C10orf53: variants seen among roughly 807,000 people sequenced by gnomAD.
C10orf53 encodes UPF0728 protein C10orf53.
In C10orf53, 8 loss-of-function variants were observed where a neutral mutation model predicts 9.4. The observed-to-expected ratio is 0.85, with a 90% CI of 0.50 to 1.53. The LOEUF is 1.53. Among genes scored for constraint, C10orf53 ranks in the 40% most tolerant of loss-of-function variants. The pLI is 0.00. For synonymous variants in C10orf53, 48 were observed against 46.0 expected (o/e 1.04, Z -0.18); for missense variants, 117 against 117.8 (o/e 0.99, Z 0.03).
Position 49,694,848 on chromosome 10 carries a change from C to A in C10orf53, c.*246C>A. 1 of 1,329,660 alleles carries A rather than the reference C, an allele frequency of 7.5e-7. No homozygotes were observed. Among genetic ancestry groups the A allele is most frequent in the South Asian group, 2.1e-5 (1 of 47,106 alleles). 82.4% of individuals were successfully genotyped at this position (1,329,660 alleles called of 1,614,324 possible). The stretch of plus-strand genomic sequence containing the variant: ...TCAATCTCAACCCATAGGGAGAGCC[C>A]TCCAATATCAGGTACACATTGAGCT... On this transcript the variant is annotated 3_prime_UTR_variant, in exon 3 of 3. Transcript: ENST00000374111.
At chr10:49,699,149 T>C (rs1010358603), downstream of C10orf53, among the ~76,000 whole-genome samples, 4 of 150,700 alleles carry the variant, frequency 2.7e-5, no homozygotes, top group Non-Finnish European at 5.9e-5. Context: ...AGATTTATCA[T>C]TTTTCTTTCT....
chr10:49,699,513 A>C (rs1840665050), downstream of C10orf53, among the ~76,000 whole-genome samples: 1 of 152,078 alleles, frequency 6.6e-6, no homozygotes, highest in Admixed American at 6.5e-5. Context: ...CAATTAAAAA[A>C]AAAATTGGTG....
intron 1 of C10orf53, among the ~76,000 whole-genome samples, chr10:49,690,666 T>C (rs1349097971): frequency 1.3e-5 from 2 of 152,170 alleles, no homozygotes; most frequent in Non-Finnish European, 2.9e-5. Flanking sequence ...TGGCCACACT[T>C]GCCCCTTGCA....
chr10:49,694,617 A>G lies in C10orf53; in HGVS notation c.*15A>G. 6.2e-7 allele frequency: 1 copy of G among 1,614,190 alleles called. No homozygotes were observed. Among genetic ancestry groups the G allele is most frequent in the Non-Finnish European group, 8.5e-7 (1 of 1,180,012 alleles). The stretch of plus-strand genomic sequence containing the variant: ...ATGCCTACTGATCTCCTCATGGAAC[A>G]GGCATCTCAAGTCGGCACAACAGCA... On this transcript the variant is annotated 3_prime_UTR_variant, in exon 3 of 3. Transcript: ENST00000374111.
intron 1 of C10orf53, among the ~76,000 whole-genome samples, chr10:49,688,185 C>CAGCTCT (rs944486479): frequency 1.3e-5 from 2 of 152,120 alleles, no homozygotes; most frequent in African/African-American, 4.8e-5. Context: ...CCCCCACCAG[C>CAGCTCT]AGCTCTGCCC....
At chr10:49,701,397 G>GT (rs372187418), downstream of C10orf53, among the ~76,000 whole-genome samples, 108 of 151,484 alleles carry the variant, frequency 7.1e-4, 1 homozygote, top group East Asian at 9.1e-3. Context: ...AAATTGCTGC[G>GT]TTTTTTTTTA....
intron 1 of C10orf53, among the ~76,000 whole-genome samples, chr10:49,682,443 T>A (rs1840487986): frequency 6.6e-6 from 1 of 152,066 alleles, no homozygotes; most frequent in Admixed American, 6.5e-5. Context: ...TTGCAGTGAG[T>A]GTTACAGCTC....
At chr10:49,682,866 T>G (rs1185762217) in intron 1 of C10orf53, among the ~76,000 whole-genome samples, 1 of 152,248 alleles carries the variant, frequency 6.6e-6, no homozygotes, top group Non-Finnish European at 1.5e-5. Context: ...CTTTGTAGCT[T>G]ATTTCACTTA....
chr10:49,693,227 C>T (rs745772989), intron 1 of C10orf53, among the ~76,000 whole-genome samples: 33 of 152,116 alleles, frequency 2.2e-4, no homozygotes, highest in Admixed American at 3.3e-4. Context: ...AAGTTATTCA[C>T]GGTATTTTGC....
exon 3 of C10orf53, chr10:49,708,964 T>C: frequency 7.7e-6 from 2 of 260,938 alleles, no homozygotes; most frequent in Non-Finnish European, 7.2e-6. Flanking sequence ...ATTTGGCATC[T>C]CTTCCCCAAG....
At position 49,686,646 on chromosome 10, in the gene C10orf53, G is replaced by A. The variant is rs554922799; in HGVS notation, c.97+6852G>A. Among the ~76,000 whole-genome samples the A allele has an allele frequency of 2.8e-4, 43 of 152,214 alleles. 1 individual carries two copies. Among genetic ancestry groups the A allele is most frequent in the South Asian group, 8.3e-4 (4 of 4,816 alleles). ...TGCTCTAGGAGTATCTGTCTTATGC[G>A]GTTGAGATAAGGACTGAAATACGCC... is the stretch of plus-strand genomic sequence containing the variant. On this transcript the variant is annotated intron_variant, in intron 1 of 2. Coordinates refer to ENST00000374111, the MANE Select transcript of C10orf53 (RefSeq NM_001042427.3).
At chr10:49,699,996 T>C (rs1284459740), downstream of C10orf53, among the ~76,000 whole-genome samples, 1 of 152,086 alleles carries the variant, frequency 6.6e-6, no homozygotes, top group Admixed American at 6.5e-5. Context: ...CATGTCCCTG[T>C]TCTGTGGATG....
chr10:49,702,740 T>G (rs1465773834), intron 2 of C10orf53, among the ~76,000 whole-genome samples: 1 of 152,202 alleles, frequency 6.6e-6, no homozygotes, highest in Non-Finnish European at 1.5e-5. Context: ...ATAGACTATA[T>G]AGATATACAT....
At chr10:49,690,113 C>T (rs1274087190) in intron 1 of C10orf53, among the ~76,000 whole-genome samples, 1 of 152,064 alleles carries the variant, frequency 6.6e-6, no homozygotes, top group Admixed American at 6.5e-5. Context: ...AAAGCGAAGG[C>T]AGCAGGCGCA....
intron 1 of C10orf53, among the ~76,000 whole-genome samples, chr10:49,680,476 C>T (rs1479130277): frequency 1.3e-5 from 2 of 152,208 alleles, no homozygotes; most frequent in Non-Finnish European, 2.9e-5. Context: ...GAATGCCTTC[C>T]AGGCAGAGGG....
At chr10:49,693,390 G>C (rs552056514) in intron 1 of C10orf53, among the ~76,000 whole-genome samples, 1 of 152,250 alleles carries the variant, frequency 6.6e-6, no homozygotes, top group South Asian at 2.1e-4. Flanking sequence ...CCCTCCAGAA[G>C]GTGTTCAATT....
chr10:49,679,817 C>A, intron 1 of C10orf53, 23 bp downstream of exon 1: 2 of 1,518,436 alleles, frequency 1.3e-6, no homozygotes, highest in Non-Finnish European at 8.8e-7. Context: ...GCCGCGTGCG[C>A]CCCTGAGGGC....
At chr10:49,701,123 T>G (rs1428993549), downstream of C10orf53, among the ~76,000 whole-genome samples, 2 of 152,192 alleles carry the variant, frequency 1.3e-5, no homozygotes, top group African/African-American at 4.8e-5. Flanking sequence ...ATACAGGTAC[T>G]CCTCACTTTA....
Sources: allele counts gnomAD v4.1 joint callset (sites outside exome capture counted in the v4.1 genomes callset), GRCh38; gene constraint gnomAD v4.1.1; transcripts MANE v1.5; gene names NCBI Gene and HGNC (gene_info 2026-07-23, HGNC 2026-07-21).